IFT74: variants seen among roughly 807,000 people sequenced by gnomAD.
IFT74 encodes intraflagellar transport 74, also known as intraflagellar transport protein 74 homolog.
A neutral mutation model predicts 96.7 loss-of-function variants in IFT74; 92 were observed. That is an observed-to-expected ratio of 0.95 (90% CI 0.80 to 1.13). The LOEUF (loss-of-function observed/expected upper bound fraction) is 1.13, where lower values mean the gene tolerates loss of function less well. Ranked by LOEUF, IFT74 falls within the 50% of genes most tolerant of loss-of-function variation. The pLI is 0.00. For missense variants in IFT74, 811 were observed against 698.2 expected (o/e 1.16, Z -1.82); for synonymous variants, 223 against 213.2 (o/e 1.05, Z -0.40).
At position 27,029,386 on chromosome 9, in the gene IFT74, G is replaced by C. The variant is rs181347749; in HGVS notation, c.1054+282G>C. 4.5e-4 allele frequency among the ~76,000 whole-genome samples: 68 copies of C among 152,092 alleles called. No individual in the cohort carries two copies. In the East Asian group the frequency reaches 0.012, roughly 26 times the overall value. Reference sequence around the variant, plus strand: ...AGAAGTAAAATGTTTAAAGTTGTTAGAGATTCCTAAGTTATACTTCCTCCT... The same window carrying C: ...AGAAGTAAAATGTTTAAAGTTGTTACAGATTCCTAAGTTATACTTCCTCCT... On this transcript the variant is annotated intron_variant, in intron 13 of 19. Coordinates refer to ENST00000380062, the MANE Select transcript of IFT74 (RefSeq NM_025103.4).
At chr9:26,970,029 TG>T (rs1194966877) in intron 2 of IFT74, among the ~76,000 whole-genome samples, 2 of 152,092 alleles carry the variant, frequency 1.3e-5, no homozygotes, top group Admixed American at 6.6e-5. Context: ...TATTTGTTGT[TG>T]TTTTTTTTAA....
intron 12 of IFT74, 35 bp downstream of exon 12, chr9:27,018,722 T>G: frequency 7.6e-7 from 1 of 1,323,730 alleles, no homozygotes; most frequent in Non-Finnish European, 1.1e-6. Flanking sequence ...TTTACATCCA[T>G]TTCTCACTTT....
At chr9:27,023,300 A>G (rs1015660548) in intron 12 of IFT74, among the ~76,000 whole-genome samples, 3 of 152,194 alleles carry the variant, frequency 2.0e-5, no homozygotes, top group Non-Finnish European at 2.9e-5. Context: ...TGGGTTTGTC[A>G]TAGATAGCTT....
intron 8 of IFT74, among the ~76,000 whole-genome samples, chr9:27,001,506 G>A (rs927635990): frequency 2.0e-5 from 3 of 152,086 alleles, no homozygotes; most frequent in Non-Finnish European, 4.4e-5. Flanking sequence ...TACTTTAATG[G>A]GGGTGAGATT....
At chr9:27,009,190 G>T in intron 9 of IFT74, 32 bp downstream of exon 9, 2 of 1,581,344 alleles carry the variant, frequency 1.3e-6, no homozygotes, top group East Asian at 2.2e-5. Context: ...TGCCAAGCAT[G>T]TATCATTCTT....
chr9:26,967,354 T>C (rs1826670968), intron 2 of IFT74, among the ~76,000 whole-genome samples: 1 of 152,144 alleles, frequency 6.6e-6, no homozygotes. Context: ...TATTTGTAGC[T>C]ATTGTAAATG....
chr9:27,011,840 C>A, intron 9 of IFT74, 66 bp from the exon 10 acceptor site: 9 of 996,048 alleles, frequency 9.0e-6, no homozygotes, highest in Non-Finnish European at 1.3e-5. Flanking sequence ...CAGCTCCCTC[C>A]CCCCACTACA....
chr9:27,018,509 A>G (rs531172250), intron 11 of IFT74, 138 bp from the exon 12 acceptor site: 61 of 445,800 alleles, frequency 1.4e-4, no homozygotes, highest in Non-Finnish European at 2.3e-4. Context: ...TCAAAGGTTG[A>G]AATCTAAAAA....
At chr9:27,015,273 C>T (rs1158456460) in intron 10 of IFT74, among the ~76,000 whole-genome samples, 1 of 152,106 alleles carries the variant, frequency 6.6e-6, no homozygotes, top group Non-Finnish European at 1.5e-5. Flanking sequence ...TAATCCATTG[C>T]TTATGGACTT....
intron 4 of IFT74, among the ~76,000 whole-genome samples, chr9:26,981,022 T>G (rs1827353277): frequency 6.6e-6 from 1 of 152,164 alleles, no homozygotes; most frequent in South Asian, 2.1e-4. Flanking sequence ...TTCTCACAGA[T>G]AGTGCCGTCA....
intron 1 of IFT74, among the ~76,000 whole-genome samples, chr9:26,951,127 T>G (rs1825917964): frequency 1.3e-5 from 2 of 152,258 alleles, no homozygotes; most frequent in South Asian, 4.1e-4. Flanking sequence ...GTAGCTGGAC[T>G]AAACATCACA....
chr9:26,970,238 A>T (rs1826825467), intron 2 of IFT74, among the ~76,000 whole-genome samples: 1 of 152,204 alleles, frequency 6.6e-6, no homozygotes, highest in East Asian at 1.9e-4. Context: ...TTTTGAAAAT[A>T]GTAGTGCTTG....
rs192193681 is a variant in IFT74, at chr9:27,036,200, A to C, written c.1054+7096A>C. Reference sequence around the variant, plus strand: ...CACATTGAGTAGACTGAGGAAGAGGAGGAAGAGTTTGGTCTTGCTATCTCA... The same window carrying C: ...CACATTGAGTAGACTGAGGAAGAGGCGGAAGAGTTTGGTCTTGCTATCTCA... On this transcript the variant is annotated intron_variant, in intron 13 of 19. Transcript: ENST00000380062. Among the ~76,000 whole-genome samples, 79 of 152,310 alleles carry C rather than the reference A, an allele frequency of 5.2e-4. 1 individual carries two copies. Among genetic ancestry groups the C allele is most frequent in the African/African-American group, 1.8e-3 (75 of 41,572 alleles).
At position 27,064,416 on chromosome 9, in the gene IFT74, A is replaced by C. The variant is rs1464279051; in HGVS notation, c.*1680A>C. Among the ~76,000 whole-genome samples, 2 of 152,152 alleles carry C rather than the reference A, an allele frequency of 1.3e-5. No homozygotes were observed. The highest frequency in any genetic ancestry group is 4.8e-5 in the African/African-American group (2 of 41,454). The stretch of plus-strand genomic sequence containing the variant: ...GCAGTTAAAGAGAATGAAATCTGAA[A>C]TTCAGTAGATAAAACAGGTAATAGA... On this transcript the variant is annotated 3_prime_UTR_variant, in exon 20 of 20. Coordinates refer to ENST00000380062, the MANE Select transcript of IFT74 (RefSeq NM_025103.4).
chr9:26,971,184 A>C (rs999622119), intron 2 of IFT74, among the ~76,000 whole-genome samples: 2 of 152,210 alleles, frequency 1.3e-5, no homozygotes, highest in Admixed American at 6.5e-5. Flanking sequence ...ATTATCAATA[A>C]ATACTTCAGG....
intron 3 of IFT74, among the ~76,000 whole-genome samples, chr9:26,978,807 G>A (rs1223544490): frequency 6.6e-6 from 1 of 151,850 alleles, no homozygotes; most frequent in Non-Finnish European, 1.5e-5. Flanking sequence ...AGGAAATGAG[G>A]CTAATTTCCT....
intron 2 of IFT74, among the ~76,000 whole-genome samples, chr9:26,962,761 G>A (rs1020128389): frequency 1.3e-5 from 2 of 151,806 alleles, no homozygotes; most frequent in African/African-American, 2.4e-5. Flanking sequence ...TTCTAAACAT[G>A]ACAGAAATAA....
chr9:27,033,378 C>A (rs1227859695), intron 13 of IFT74, among the ~76,000 whole-genome samples: 1 of 151,586 alleles, frequency 6.6e-6, no homozygotes, highest in Non-Finnish European at 1.5e-5. Flanking sequence ...GGCAACAGGG[C>A]GAAAACCTGT....
At chr9:27,018,118 T>C (rs908367103) in intron 11 of IFT74, among the ~76,000 whole-genome samples, 3 of 152,268 alleles carry the variant, frequency 2.0e-5, no homozygotes, top group African/African-American at 7.2e-5. Context: ...ACATAAAATA[T>C]AGAATGGCTG....
Sources: allele counts gnomAD v4.1 joint callset (sites outside exome capture counted in the v4.1 genomes callset), GRCh38; gene constraint gnomAD v4.1.1; transcripts MANE v1.5; gene names NCBI Gene and HGNC (gene_info 2026-07-23, HGNC 2026-07-21).